Variants in ST18 observed in about 807,000 individuals in gnomAD.
ST18 encodes suppression of tumorigenicity 18 protein.
Under a neutral mutation model 110.0 loss-of-function variants are expected in ST18, and 50 were observed. That is an observed-to-expected ratio of 0.45 (90% CI 0.36 to 0.58). The LOEUF is 0.58. Ranked by LOEUF, ST18 falls within the 20% of genes least tolerant of loss-of-function variation. The pLI is 0.00. For missense variants in ST18, 1,306 were observed against 1,280.1 expected, an observed-to-expected ratio of 1.02 and a Z score of -0.31; for synonymous variants, 461 against 452.4, an observed-to-expected ratio of 1.02 and a Z score of -0.24.
At chr8:52,114,822 C>T (rs567662174) in intron 25 of ST18, among the ~76,000 whole-genome samples, 2 of 152,306 alleles carry the variant, frequency 1.3e-5, no homozygotes, top group South Asian at 4.1e-4. Context: ...CTAATGCTCG[C>T]TCTTTGGTGC....
intron 2 of ST18, among the ~76,000 whole-genome samples, chr8:52,349,082 A>ACCGTATTTG (rs1448222262): frequency 2.6e-5 from 4 of 152,058 alleles, no homozygotes; most frequent in African/African-American, 9.7e-5. Context: ...GTGAGACTGT[A>ACCGTATTTG]CCGTATTTGC....
intron 25 of ST18, 142 bp from the exon 26 acceptor site, chr8:52,113,480 G>T: frequency 1.2e-6 from 1 of 806,516 alleles, no homozygotes; most frequent in Non-Finnish European, 2.0e-6. Context: ...TGCAGGGGAT[G>T]GAGAGAGACG....
At chr8:52,166,102 A>G (rs951506230) in intron 11 of ST18, among the ~76,000 whole-genome samples, 44 of 152,158 alleles carry the variant, frequency 2.9e-4, no homozygotes, top group African/African-American at 1.1e-3. Context: ...CTGCTCTGTG[A>G]TGCGTCAAGG....
In ST18 at chr8:52,348,605, A is replaced by G. The variant is rs996457795; in HGVS notation, c.-465+60723T>C. Among the ~76,000 whole-genome samples the G allele has an allele frequency of 2.6e-5, 4 of 152,184 alleles. No individual in the cohort carries two copies. In the South Asian group the frequency reaches 6.2e-4, roughly 24 times the overall value. ...ACTAAAAATACAAAATTATCTAGGC[A>G]TGGTGGTGTGCGCCTGTAATCCCAG... is the stretch of plus-strand genomic sequence containing the variant. On this transcript the variant is annotated intron_variant, in intron 2 of 25. Coordinates refer to ENST00000689386, the MANE Select transcript of ST18 (RefSeq NM_001352837.2).
intron 2 of ST18, among the ~76,000 whole-genome samples, chr8:52,256,681 T>G (rs4466419): frequency 0.23 from 35,442 of 152,062 alleles, 4,395 homozygotes; most frequent in Middle Eastern, 0.39. Flanking sequence ...CAACATGGAT[T>G]TCTAGCTGAC....
chr8:52,198,398 T>A (rs1271518505), intron 8 of ST18, among the ~76,000 whole-genome samples: 1 of 152,238 alleles, frequency 6.6e-6, no homozygotes, highest in Non-Finnish European at 1.5e-5. Context: ...AGGCTCCTTT[T>A]TTAGTTTTCT....
rs1225677337 is a variant in ST18, at chr8:52,178,633, AAAAAAAAAAACCACC to A, written c.277+1474_277+1488del. ...CTCCATCAAAAAAAAAAAAAAAAAA[AAAAAAAAAAACCACC>A]AAAAACCAAAATAAAACAAACAAAA... On this transcript the variant is annotated intron_variant, in intron 9 of 25. Transcript: ENST00000689386. Among the ~76,000 whole-genome samples the A allele has an allele frequency of 3.8e-4, 50 of 132,356 alleles. 6 individuals carry two copies. Among genetic ancestry groups the A allele is most frequent in the African/African-American group, 1.6e-3 (48 of 29,948 alleles). 86.8% of individuals were successfully genotyped at this position (132,356 alleles called of 152,430 possible). A position where few individuals can be genotyped will look rare whatever the true frequency, so the allele number is the denominator to read the frequency against.
At chr8:52,252,018 T>C (rs1191538129) in intron 2 of ST18, among the ~76,000 whole-genome samples, 1 of 152,114 alleles carries the variant, frequency 6.6e-6, no homozygotes, top group Non-Finnish European at 1.5e-5. Context: ...ACGCAAGTTA[T>C]ATTTTTTTGA....
chr8:52,196,896 A>G (rs1296246060), intron 8 of ST18, among the ~76,000 whole-genome samples: 1 of 152,188 alleles, frequency 6.6e-6, no homozygotes, highest in African/African-American at 2.4e-5. Flanking sequence ...CACTGTGGAA[A>G]CACTTTTTGC....
At chr8:52,337,840 T>C (rs1024081047) in intron 2 of ST18, among the ~76,000 whole-genome samples, 2 of 152,192 alleles carry the variant, frequency 1.3e-5, no homozygotes, top group Non-Finnish European at 2.9e-5. Context: ...TCATGAAGAA[T>C]GGCTGTGTGA....
Position 52,158,995 on chromosome 8 carries a change from G to A in ST18, c.1709C>T (p.Thr570Ile). 1.2e-6 allele frequency: 2 copies of A among 1,614,102 alleles called. No individual in the cohort carries two copies. The highest frequency in any genetic ancestry group is 2.2e-5 in the South Asian group (2 of 91,074). The change falls in exon 15 of 26, where the codon ACC (threonine) becomes ATC (isoleucine). Residue 570 changes from threonine (T) to isoleucine (I), a missense_variant. Coordinates refer to ENST00000689386, the MANE Select transcript of ST18 (RefSeq NM_001352837.2). ...SYSYGQCSED[T>I]HIAAAAAILN... is the part of the protein sequence containing the mutation. ...GATGGCAGCAGCTGCTGCTATGTGG[G>A]TGTCTTCACTACATTGACCGTAGCT... is the stretch of plus-strand genomic sequence containing the variant.
chr8:52,403,868 C>T (rs1391463795), intron 2 of ST18: 5 of 152,142 alleles, frequency 3.3e-5, no homozygotes, highest in Non-Finnish European at 7.3e-5. Context: ...AAATTACAAA[C>T]TATAAAGTAA....
chr8:52,313,940 G>A (rs1292157093), intron 2 of ST18, among the ~76,000 whole-genome samples: 1 of 152,190 alleles, frequency 6.6e-6, no homozygotes, highest in African/African-American at 2.4e-5. Flanking sequence ...GGGAGTGGTG[G>A]CCACAATGAA....
chr8:52,314,050 C>G (rs368079570), intron 2 of ST18, among the ~76,000 whole-genome samples: 42 of 152,348 alleles, frequency 2.8e-4, no homozygotes, highest in African/African-American at 9.9e-4. Context: ...AGACTCTTCC[C>G]TGGTAGTCTC....
intron 8 of ST18, chr8:52,206,268 C>A (rs1326926659): frequency 6.6e-6 from 1 of 152,218 alleles, no homozygotes; most frequent in African/African-American, 2.4e-5. Flanking sequence ...TCACTCAGTG[C>A]GCACCTGTTG....
At position 52,132,017 on chromosome 8, in the gene ST18, A is replaced by G; in HGVS notation, c.2607T>C (p.Cys869=). 1.2e-6 allele frequency: 2 copies of G among 1,614,230 alleles called. No homozygotes were observed. The highest frequency in any genetic ancestry group is 1.7e-6 in the Non-Finnish European group (2 of 1,180,040). Residue 869 remains cysteine, a synonymous_variant, in exon 22 of 26, where the codon TGT becomes TGC. Coordinates refer to ENST00000689386, the MANE Select transcript of ST18 (RefSeq NM_001352837.2). Reference sequence around the variant, plus strand: ...CCAGCCCATTGCAGCCTGGCAAGGGACAATGTGGTAGCTCTTGTTTGTTCA... The same window carrying G: ...CCAGCCCATTGCAGCCTGGCAAGGGGCAATGTGGTAGCTCTTGTTTGTTCA... ...WKLNKQELPH[C]PLPGCNGLGH... is the part of the protein sequence containing the mutation.
chr8:52,273,249 G>T (rs1290989402), intron 2 of ST18, among the ~76,000 whole-genome samples: 1 of 152,180 alleles, frequency 6.6e-6, no homozygotes, highest in East Asian at 1.9e-4. Flanking sequence ...GGGAATCGTG[G>T]AGAGGGGAGG....
At chr8:52,219,258 A>T (rs1288131219) in intron 5 of ST18, among the ~76,000 whole-genome samples, 1 of 152,184 alleles carries the variant, frequency 6.6e-6, no homozygotes, top group East Asian at 1.9e-4. Flanking sequence ...ACTTGTGGAG[A>T]GGAGTACTAA....
chr8:52,171,401 C>T (rs1390876661), intron 10 of ST18, among the ~76,000 whole-genome samples: 1 of 152,080 alleles, frequency 6.6e-6, no homozygotes, highest in Non-Finnish European at 1.5e-5. Context: ...GCCTGGCTAG[C>T]AAGTTAGATA....
Sources: gnomAD v4.1 joint callset for allele counts (sites outside exome capture counted in the v4.1 genomes callset) on GRCh38, gnomAD v4.1.1 for gene constraint, MANE v1.5 for transcripts, NCBI Gene and HGNC (gene_info 2026-07-23, HGNC 2026-07-21) for gene names.